CDHR2: variants seen among roughly 807,000 people sequenced by gnomAD.
CDHR2 encodes the protein cadherin-related family member 2.
CDHR2 carries 104 observed loss-of-function variants against 138.6 expected under a neutral mutation model. The observed-to-expected ratio is 0.75, with a 90% CI of 0.64 to 0.88. CDHR2 has a LOEUF of 0.88. CDHR2 is among the 40% of genes least tolerant of loss of function. CDHR2 has a pLI of 0.00. For synonymous variants in CDHR2, 755 were observed against 742.8 expected (o/e 1.02, Z -0.27); for missense variants, 1,624 against 1,727.6 (o/e 0.94, Z 1.06).
chr5:176,589,055 A>G lies in CDHR2; in HGVS notation c.2881A>G (p.Asn961Asp). The G allele has an allele frequency of 6.2e-6, 10 of 1,614,074 alleles. No homozygotes were observed. Among genetic ancestry groups the G allele is most frequent in the Non-Finnish European group, 8.5e-6 (10 of 1,179,992 alleles). The change falls in exon 22 of 32, where the codon AAT (asparagine) becomes GAT (aspartate). Residue 961 changes from asparagine (N) to aspartate (D), a missense_variant. By Grantham distance (23) the Asn-to-Asp change is conservative. Around this residue, in one of 3 missense-constraint regions of CDHR2, gnomAD observed 556 missense variants for 565.7 expected, o/e 0.98. Transcript: ENST00000261944. ...GGCCAGAGACGATGATTCAGGGAACAATGGCGTCATCCTGTTCTCCATCCT... is the reference window on the plus strand; with the variant it reads ...GGCCAGAGACGATGATTCAGGGAACGATGGCGTCATCCTGTTCTCCATCCT... ...VRARDDDSGN[N>D]GVILFSILRV...
chr5:176,588,364 TGTGTGA>T (rs915105519), intron 21 of CDHR2, among the ~76,000 whole-genome samples: 21 of 73,458 alleles, frequency 2.9e-4, no homozygotes, highest in African/African-American at 1.4e-3. Flanking sequence ...TGAGTGTATT[TGTGTGA>T]GTGTGTGTGA....
At chr5:176,586,713 T>A (rs1044814967) in intron 20 of CDHR2, 80 bp from the exon 21 acceptor site, 103 of 1,330,242 alleles carry the variant, frequency 7.7e-5, no homozygotes, top group Non-Finnish European at 9.1e-5. Context: ...GGATGAGCCC[T>A]GAGCTGGGCT....
At chr5:176,589,645 G>A (rs1422694084) in intron 24 of CDHR2, 29 bp downstream of exon 24, 1 of 1,603,416 alleles carries the variant, frequency 6.2e-7, no homozygotes, top group Non-Finnish European at 8.5e-7. Flanking sequence ...GGAGGGAGGG[G>A]TAGGAAGAAC....
At position 176,575,412 on chromosome 5, in the gene CDHR2, G is replaced by A; in HGVS notation, c.754G>A (p.Glu252Lys). ...GGAGTTTTACTCGGCCTCTGTGGCT[G>A]AGGATGCAGCCAAGGTGCACGGGGG... ...VREFYSASVA[E>K]DAAKGTSVLT... Residue 252 changes from glutamate (E) to lysine (K), a missense_variant, in exon 9 of 32, where the codon GAG (glutamate) becomes AAG (lysine). Around this residue, in one of 3 missense-constraint regions of CDHR2, gnomAD observed 1,061 missense variants for 1,136.6 expected, o/e 0.93. Coordinates refer to ENST00000261944, the MANE Select transcript of CDHR2 (RefSeq NM_017675.6). The A allele has an allele frequency of 3.7e-6, 6 of 1,614,250 alleles. No homozygotes were observed. Among genetic ancestry groups the A allele is most frequent in the Non-Finnish European group, 5.1e-6 (6 of 1,180,048 alleles).
chr5:176,590,337 G>A lies in CDHR2; in HGVS notation c.3353+7G>A. ...CCCTTGATGAGCTGAGTGTGTGAGT[G>A]GGGCTGCCCTTGGGGCAGGTGTGAG... On this transcript the variant is annotated splice_region_variant and intron_variant, in intron 26 of 31. Transcript: ENST00000261944. The A allele has an allele frequency of 6.2e-7, 1 of 1,614,222 alleles. No homozygotes were observed. Among genetic ancestry groups the A allele is most frequent in the Non-Finnish European group, 8.5e-7 (1 of 1,180,038 alleles).
At position 176,578,595 on chromosome 5, in the gene CDHR2, C is replaced by T; in HGVS notation, c.1805C>T (p.Ser602Phe). The part of the protein sequence containing the change: ...IFVQEEEGNV[S>F]VTIQAHDNDE... ...GTCCAGGAGGAGGAGGGCAATGTCT[C>T]CGTGACCATCCAGGTGTGAGCCTGC... The change falls in exon 16 of 32, where the codon TCC becomes TTC. Residue 602 changes from serine to phenylalanine, a missense_variant. Around this residue, in one of 3 missense-constraint regions of CDHR2, gnomAD observed 1,061 missense variants for 1,136.6 expected, o/e 0.93. Coordinates refer to ENST00000261944, the MANE Select transcript of CDHR2 (RefSeq NM_017675.6). 6.2e-7 allele frequency: 1 copy of T among 1,611,382 alleles called. No homozygotes were observed. The highest frequency in any genetic ancestry group is 8.5e-7 in the Non-Finnish European group (1 of 1,180,012).
Position 176,578,556 on chromosome 5 carries a change from C to G in CDHR2, c.1766C>G (p.Ser589Cys). The change falls in exon 16 of 32, where the codon TCC (serine) becomes TGC (cysteine). Residue 589 changes from serine to cysteine, a missense_variant. Ser to Cys is a moderately radical substitution (Grantham distance 112). This residue lies in a region of CDHR2 where 1,061 missense variants were observed against 1,136.6 expected (regional missense o/e 0.93). Transcript: ENST00000261944. ...INDNAPVVSGSYNIFVQEEEG... is the reference protein window; with the variant it reads ...INDNAPVVSGCYNIFVQEEEG... ...GACAATGCACCCGTGGTTAGCGGCT[C>G]CTACAACATCTTCGTCCAGGAGGAG... The G allele has an allele frequency of 6.2e-7, 1 of 1,613,986 alleles. No homozygotes were observed. The highest frequency in any genetic ancestry group is 1.3e-5 in the African/African-American group (1 of 75,014).
At chr5:176,573,489 T>TA (rs1021373941) in intron 6 of CDHR2, among the ~76,000 whole-genome samples, 2 of 150,720 alleles carry the variant, frequency 1.3e-5, no homozygotes, top group African/African-American at 4.9e-5. Context: ...AAAATATATA[T>TA]AAAAAAAATT....
chr5:176,575,664 G>C (rs930449004), intron 10 of CDHR2, 60 bp from the exon 11 acceptor site: 3 of 1,599,026 alleles, frequency 1.9e-6, no homozygotes, highest in Non-Finnish European at 2.6e-6. Flanking sequence ...CAATGGGCCT[G>C]GGGCTCCGTC....
At position 176,585,995 on chromosome 5, in the gene CDHR2, C is replaced by T; in HGVS notation, c.2776C>T (p.Pro926Ser). The T allele has an allele frequency of 6.2e-7, 1 of 1,613,990 alleles. No individual in the cohort carries two copies. Among genetic ancestry groups the T allele is most frequent in the Non-Finnish European group, 8.5e-7 (1 of 1,179,918 alleles). ...CATTGAGGACGTGAATGACAATGCACCCTATTTTCTGCCTGAGAATAAGAC... is the reference window on the plus strand; with the variant it reads ...CATTGAGGACGTGAATGACAATGCATCCTATTTTCTGCCTGAGAATAAGAC... ...ITIEDVNDNA[P>S]YFLPENKTFV... Residue 926 changes from proline to serine, a missense_variant, in exon 20 of 32, where the codon CCC becomes TCC. This residue lies in a region of CDHR2 where 556 missense variants were observed against 565.7 expected (regional missense o/e 0.98). Coordinates refer to ENST00000261944, the MANE Select transcript of CDHR2 (RefSeq NM_017675.6).
chr5:176,575,687 GCAGCTGTTC>G (rs777258246), intron 10 of CDHR2, 28 bp from the exon 11 acceptor site: 1 of 1,587,370 alleles, frequency 6.3e-7, no homozygotes, highest in African/African-American at 1.3e-5. Flanking sequence ...AGCCACTGGA[GCAGCTGTTC>G]CAGCTGTTCC....
upstream of CDHR2, among the ~76,000 whole-genome samples, chr5:176,549,004 G>A (rs1196047258): frequency 6.6e-6 from 1 of 151,548 alleles, no homozygotes. Flanking sequence ...CAGATCCCCT[G>A]TCACTGAAGA....
At position 176,590,583 on chromosome 5, in the gene CDHR2, G is replaced by A. The variant is rs186394364; in HGVS notation, c.3435G>A (p.Glu1145=). 3 of 1,614,092 alleles carry A rather than the reference G, an allele frequency of 1.9e-6. No individual in the cohort carries two copies. In the East Asian group the frequency reaches 6.7e-5, roughly 36 times the overall value. The change falls in exon 28 of 32, where the codon GAG becomes GAA. Residue 1145 remains glutamate (E), a synonymous_variant. Transcript: ENST00000261944. ...LVVLGSQESQ[E]SDLSKQLISV... ...TCCAGGGCTCCCAGGAGAGCCAGGA[G>A]TCAGACCTGTCGAAACAGCTCATCA...
chr5:176,590,112 A>G lies in CDHR2; in HGVS notation c.3241A>G (p.Ile1081Val), dbSNP rs781573597. The G allele has an allele frequency of 5.6e-6, 9 of 1,613,832 alleles. No homozygotes were observed. Among genetic ancestry groups the G allele is most frequent in the Non-Finnish European group, 7.6e-6 (9 of 1,179,960 alleles). The change falls in exon 25 of 32, where the codon ATT (isoleucine) becomes GTT (valine). Residue 1081 changes from isoleucine (I) to valine (V), a missense_variant. Physicochemically the swap from Ile to Val is conservative, Grantham distance 29. Coordinates refer to ENST00000261944, the MANE Select transcript of CDHR2 (RefSeq NM_017675.6). Reference protein sequence around the residue: ...LTQATRTTVYIVDIQDIDSAA... With the variant: ...LTQATRTTVYVVDIQDIDSAA... ...CCAGGCAACCAGGACTACAGTATAC[A>G]TTGTGGACATTCAGGACATAGATTC...
At chr5:176,577,577 A>G (rs752916942) in intron 13 of CDHR2, 23 bp downstream of exon 13, 1 of 1,613,712 alleles carries the variant, frequency 6.2e-7, no homozygotes, top group Non-Finnish European at 8.5e-7. Flanking sequence ...CCGGGGTGCC[A>G]GGGGCAGAAG....
In CDHR2 at chr5:176,576,316, G is replaced by A; in HGVS notation, c.1194+131G>A. On this transcript the variant is annotated intron_variant, in intron 12 of 31. Coordinates refer to ENST00000261944, the MANE Select transcript of CDHR2 (RefSeq NM_017675.6). The surrounding 1 kb of genome is among the most constrained non-coding windows in gnomAD (Gnocchi z 4.5). The stretch of plus-strand genomic sequence containing the variant: ...CAGGGTGTGATGGCGGAGAATGGGG[G>A]TGCTGGGTGCTCTCTGGAAGCCTGT... 2 of 711,048 alleles carry A rather than the reference G, an allele frequency of 2.8e-6. No individual in the cohort carries two copies. The highest frequency in any genetic ancestry group is 4.8e-6 in the Non-Finnish European group (2 of 420,374). 44.0% of individuals were successfully genotyped at this position (711,048 alleles called of 1,614,324 possible).
At chr5:176,565,607 G>T in intron 2 of CDHR2, 65 bp from the exon 3 acceptor site, 2 of 1,461,300 alleles carry the variant, frequency 1.4e-6, no homozygotes, top group Non-Finnish European at 9.5e-7. Flanking sequence ...GTGCTCCCAG[G>T]GGAGCAGGTA....
Position 176,585,006 on chromosome 5 carries a change from A to C in CDHR2, c.2725A>C (p.Ser909Arg). The C allele has an allele frequency of 6.5e-7, 1 of 1,544,808 alleles. No homozygotes were observed. The highest frequency in any genetic ancestry group is 8.8e-7 in the Non-Finnish European group (1 of 1,141,276). ...LATDPGFQAY[S>R]NNGSLLITIE... ...CACGGACCCCGGCTTCCAGGCCTAC[A>C]GCAACAATGGTAAGGCAGCCTGTCC... The change falls in exon 19 of 32, where the codon AGC (serine) becomes CGC (arginine). Residue 909 changes from serine (S) to arginine (R), a missense_variant. Around this residue, in one of 3 missense-constraint regions of CDHR2, gnomAD observed 556 missense variants for 565.7 expected, o/e 0.98. Coordinates refer to ENST00000261944, the MANE Select transcript of CDHR2 (RefSeq NM_017675.6).
Position 176,589,314 on chromosome 5 carries a change from C to T in CDHR2, c.3009-16C>T, listed in dbSNP as rs756053270. 3.2e-6 allele frequency: 5 copies of T among 1,555,844 alleles called. No individual in the cohort carries two copies. Among genetic ancestry groups the T allele is most frequent in the Non-Finnish European group, 4.3e-6 (5 of 1,149,964 alleles). The stretch of plus-strand genomic sequence containing the variant: ...CTTGGGTTCCAAGACTGACCTGCGC[C>T]TCCCGCCTTCCGCAGGCCGGTGACC... On this transcript the variant is annotated splice_polypyrimidine_tract_variant and intron_variant, in intron 22 of 31. Coordinates refer to ENST00000261944, the MANE Select transcript of CDHR2 (RefSeq NM_017675.6).
Sources: gnomAD v4.1 joint callset for allele counts (sites outside exome capture counted in the v4.1 genomes callset) on GRCh38, gnomAD v4.1.1 for gene constraint, gnomAD v4.1.1 regional missense constraint, Gnocchi (gnomAD v3.1) non-coding constraint, MANE v1.5 for transcripts, NCBI Gene and HGNC (gene_info 2026-07-23, HGNC 2026-07-21) for gene names.